The following SETDB2 variants were observed in gnomAD, a reference collection of about 807,000 sequenced individuals.
The protein encoded by SETDB2 is SET domain bifurcated histone lysine methyltransferase 2.
In SETDB2, 56 loss-of-function variants were observed where a neutral mutation model predicts 82.5. The observed-to-expected ratio is 0.68, with a 90% CI of 0.55 to 0.85. The LOEUF (loss-of-function observed/expected upper bound fraction) is 0.85. Ranked by LOEUF, SETDB2 falls within the 40% of genes least tolerant of loss-of-function variation. The pLI is 0.00. For synonymous variants in SETDB2, 272 were observed against 284.9 expected (o/e 0.95, Z 0.46); for missense variants, 677 against 816.4 (o/e 0.83, Z 2.08).
intron 5 of SETDB2, among the ~76,000 whole-genome samples, chr13:49,475,313 A>G (rs571844707): frequency 8.6e-4 from 131 of 152,314 alleles, no homozygotes; most frequent in Admixed American, 5.3e-3. Context: ...ATTCAAGATG[A>G]GATTTGGGTA....
Position 49,476,847 on chromosome 13 carries a change from A to G in SETDB2, c.677A>G (p.Lys226Arg), listed in dbSNP as rs545118017. The change falls in exon 6 of 14, where the codon AAA (lysine) becomes AGA (arginine). Residue 226 changes from lysine (K) to arginine (R), a missense_variant. Physicochemically the swap from Lys to Arg is conservative, Grantham distance 26. Transcript: ENST00000611815. Reference protein sequence around the residue: ...VQLARNYPKQKEVVSDVDISN... With the variant: ...VQLARNYPKQREVVSDVDISN... ...TTGGCTCGGAATTACCCAAAGCAAA[A>G]AGAAGTTGTTTCTGATGTGGATATT... 5.0e-6 allele frequency: 8 copies of G among 1,614,122 alleles called. No homozygotes were observed. In the South Asian group the frequency reaches 7.7e-5, roughly 16 times the overall value.
chr13:49,462,020 G>T (rs1247349816), intron 4 of SETDB2, among the ~76,000 whole-genome samples: 3 of 152,320 alleles, frequency 2.0e-5, no homozygotes, highest in East Asian at 3.9e-4. Context: ...GTTGGGAAGG[G>T]CCTGAGAACA....
At chr13:49,458,340 G>A (rs66771344) in intron 2 of SETDB2, among the ~76,000 whole-genome samples, 10,668 of 152,196 alleles carry the variant, frequency 0.07, 497 homozygotes, top group East Asian at 0.17. Context: ...CTCCTAAAGT[G>A]CTGGGATTAC....
chr13:49,476,715 C>G lies in SETDB2; in HGVS notation c.545C>G (p.Pro182Arg). 1.2e-6 allele frequency: 2 copies of G among 1,614,202 alleles called. No individual in the cohort carries two copies. The highest frequency in any genetic ancestry group is 1.7e-6 in the Non-Finnish European group (2 of 1,180,038). Reference protein sequence around the residue: ...SSALHVSYKTPCGRSLRNVEE... With the variant: ...SSALHVSYKTRCGRSLRNVEE... ...GCACTCCACGTGAGTTATAAAACCC[C>G]TTGTGGAAGGAGTCTACGAAACGTG... Residue 182 changes from proline (P) to arginine (R), a missense_variant, in exon 6 of 14, where the codon CCT (proline) becomes CGT (arginine). Physicochemically the swap from Pro to Arg is moderately radical, Grantham distance 103 (BLOSUM62 -2). Around this residue, in one of 3 missense-constraint regions of SETDB2, gnomAD observed 243 missense variants for 237.2 expected, o/e 1.02. Coordinates refer to ENST00000611815, the MANE Select transcript of SETDB2 (RefSeq NM_001160308.3).
chr13:49,450,278 C>T (rs1393374201), intron 1 of SETDB2, among the ~76,000 whole-genome samples: 4 of 152,042 alleles, frequency 2.6e-5, no homozygotes, highest in South Asian at 2.1e-4. Flanking sequence ...AATTTTTTGC[C>T]TCCTCTTGTT....
At chr13:49,455,045 A>T (rs962444889) in intron 2 of SETDB2, among the ~76,000 whole-genome samples, 2 of 152,220 alleles carry the variant, frequency 1.3e-5, no homozygotes, top group African/African-American at 4.8e-5. Flanking sequence ...ACATGTTGAA[A>T]ATATAAATAG....
rs1278363698 is a variant in SETDB2, at chr13:49,494,882, C to T, written c.*3033C>T. On this transcript the variant is annotated 3_prime_UTR_variant, in exon 14 of 14. Transcript: ENST00000611815. ...CACCAACTATTATATGTCTTTTTTC[C>T]AGAACAACTTATTTTTTAACTATAA... 2 of 151,954 alleles carry T rather than the reference C, an allele frequency of 1.3e-5. No homozygotes were observed. The highest frequency in any genetic ancestry group is 2.4e-5 in the African/African-American group (1 of 41,362). The allele number at this position is 151,954 out of a possible 1,614,324, so 9.4% of individuals were successfully genotyped here. A position where few individuals can be genotyped will look rare whatever the true frequency, so the allele number is the denominator to read the frequency against.
In SETDB2 at chr13:49,481,318, G is replaced by T. The variant is rs535621107; in HGVS notation, c.1156+202G>T. 2.0e-5 allele frequency among the ~76,000 whole-genome samples: 3 copies of T among 152,252 alleles called. No homozygotes were observed. The South Asian group carries it at 6.2e-4, about 32-fold the overall frequency. ...TTAGGAGGTACTTTCTTCAAGAAAA[G>T]AAAGGTTCAGAGATGACACTTGGGT... On this transcript the variant is annotated intron_variant, in intron 8 of 13. Transcript: ENST00000611815.
intron 5 of SETDB2, among the ~76,000 whole-genome samples, chr13:49,472,765 G>T (rs887577254): frequency 2.0e-4 from 30 of 151,858 alleles, no homozygotes; most frequent in African/African-American, 7.0e-4. Context: ...TTATTTTTAT[G>T]CTTTTCTCCT....
intron 5 of SETDB2, among the ~76,000 whole-genome samples, chr13:49,472,899 A>C (rs1189778174): frequency 6.6e-6 from 1 of 152,108 alleles, no homozygotes; most frequent in Non-Finnish European, 1.5e-5. Context: ...TTTATTAGTC[A>C]TAAGGAGAAT....
rs567067401 is a variant in SETDB2, at chr13:49,459,993, C to A, written c.17-114C>A. The A allele has an allele frequency of 7.0e-6, 7 of 1,003,700 alleles. 1 individual carries two copies. Among genetic ancestry groups the A allele is most frequent in the Admixed American group, 5.6e-5 (2 of 35,954 alleles). The allele number at this position is 1,003,700 out of a possible 1,614,324, so 62.2% of individuals were successfully genotyped here. A position where few individuals can be genotyped will look rare whatever the true frequency, so the allele number is the denominator to read the frequency against. On this transcript the variant is annotated intron_variant, in intron 2 of 13. Coordinates refer to ENST00000611815, the MANE Select transcript of SETDB2 (RefSeq NM_001160308.3). ...ATTTTCCTCAAGGAAAATGATAGAC[C>A]AGATGAGTCTTGATCTTGTTTAGAA...
chr13:49,481,410 G>A (rs1958474416), intron 8 of SETDB2, among the ~76,000 whole-genome samples: 1 of 151,898 alleles, frequency 6.6e-6, no homozygotes, highest in Admixed American at 6.6e-5. Context: ...GGTACTTTGG[G>A]GTAAGGGAAT....
intron 6 of SETDB2, 57 bp from the exon 7 acceptor site, chr13:49,480,162 C>A: frequency 9.0e-7 from 1 of 1,105,372 alleles, no homozygotes; most frequent in Non-Finnish European, 1.3e-6. Flanking sequence ...TCAAGACAGT[C>A]TCTTGACTTG....
At chr13:49,476,403 A>T in intron 5 of SETDB2, 73 bp from the exon 6 acceptor site, 5 of 1,023,158 alleles carry the variant, frequency 4.9e-6, no homozygotes, top group African/African-American at 1.6e-5. Context: ...AAGGTAGAAA[A>T]TAATCATAGT....
chr13:49,481,380 G>A (rs886218453), intron 8 of SETDB2, among the ~76,000 whole-genome samples: 9 of 152,020 alleles, frequency 5.9e-5, no homozygotes, highest in Admixed American at 1.3e-4. Flanking sequence ...AGGCACATTT[G>A]TTTTGTCTGC....
chr13:49,478,363 G>A (rs530048839), intron 6 of SETDB2, among the ~76,000 whole-genome samples: 1 of 152,238 alleles, frequency 6.6e-6, no homozygotes, highest in East Asian at 1.9e-4. Flanking sequence ...TATCTCACAG[G>A]GCCTGGAATT....
rs1958520352 is a variant in SETDB2 at position 49,483,527 on chromosome 13, C to G, written c.1446C>G (p.Ser482=). 1 of 1,491,886 alleles carries G rather than the reference C, an allele frequency of 6.7e-7. No individual in the cohort carries two copies. The highest frequency in any genetic ancestry group is 2.5e-5 in the East Asian group (1 of 40,034). The allele number at this position is 1,491,886 out of a possible 1,614,324, so 92.4% of individuals were successfully genotyped here. ...QYHSVIRDPE[S]KTAIFQHNGK... ...ATTCAGTTATTAGAGATCCTGAATC[C>G]AAGACAGCCATTTTTCAACACAATG... The change falls in exon 10 of 14, where the codon TCC becomes TCG. Residue 482 remains serine (S), a synonymous_variant. Coordinates refer to ENST00000611815, the MANE Select transcript of SETDB2 (RefSeq NM_001160308.3).
At chr13:49,467,277 C>T (rs1958134507) in intron 4 of SETDB2, among the ~76,000 whole-genome samples, 1 of 152,008 alleles carries the variant, frequency 6.6e-6, no homozygotes, top group Non-Finnish European at 1.5e-5. Context: ...TGCCTGTAAT[C>T]CCAACTACTG....
chr13:49,474,351 T>A (rs1284817235), intron 5 of SETDB2, among the ~76,000 whole-genome samples: 1 of 152,234 alleles, frequency 6.6e-6, no homozygotes, highest in Non-Finnish European at 1.5e-5. Flanking sequence ...TCCACCTGAT[T>A]GATGAAACTC....
Sources: gnomAD v4.1 joint callset for allele counts (sites outside exome capture counted in the v4.1 genomes callset) on GRCh38, gnomAD v4.1.1 for gene constraint, gnomAD v4.1.1 regional missense constraint, MANE v1.5 for transcripts, NCBI Gene and HGNC (gene_info 2026-07-23, HGNC 2026-07-21) for gene names.